The following ITGA11 variants were observed in gnomAD, a reference collection of about 807,000 sequenced individuals.
ITGA11 encodes integrin subunit alpha 11, also known as integrin alpha-11.
Under a neutral mutation model 141.9 loss-of-function variants are expected in ITGA11, and 97 were observed. The observed-to-expected ratio is 0.68, with a 90% CI of 0.58 to 0.81. The LOEUF (loss-of-function observed/expected upper bound fraction) is 0.81. Among genes scored for constraint, ITGA11 ranks in the 30% least tolerant of loss-of-function variants. The pLI is 0.00. For synonymous variants in ITGA11, 658 were observed against 624.6 expected (o/e 1.05, Z -0.80); for missense variants, 1,387 against 1,559.2 (o/e 0.89, Z 1.86).
intron 2 of ITGA11, among the ~76,000 whole-genome samples, chr15:68,383,311 C>G (rs1011936511): frequency 6.6e-6 from 1 of 151,788 alleles, no homozygotes; most frequent in Non-Finnish European, 1.5e-5. Context: ...CCAAGGAGCC[C>G]TTGATTCCTC....
intron 18 of ITGA11, among the ~76,000 whole-genome samples, chr15:68,323,635 T>A (rs535154078): frequency 3.9e-5 from 6 of 152,334 alleles, no homozygotes; most frequent in Admixed American, 3.3e-4. Flanking sequence ...TTTTCAGCTC[T>A]GTTTCTCACC....
intron 1 of ITGA11, among the ~76,000 whole-genome samples, chr15:68,414,789 C>T: frequency 6.6e-6 from 1 of 152,142 alleles, no homozygotes; most frequent in Non-Finnish European, 1.5e-5. Flanking sequence ...GCACTTGGGT[C>T]CAAACAAGTG....
intron 11 of ITGA11, among the ~76,000 whole-genome samples, chr15:68,336,877 G>A (rs911417420): frequency 3.9e-5 from 6 of 152,342 alleles, no homozygotes; most frequent in African/African-American, 1.4e-4. Flanking sequence ...AGGGTGTACA[G>A]ATGAGCTGAC....
At position 68,350,741 on chromosome 15, in the gene ITGA11, A is replaced by G. The variant is rs756173925; in HGVS notation, c.936T>C (p.Thr312=). The change falls in exon 9 of 30, where the codon ACT becomes ACC. Residue 312 remains threonine, a synonymous_variant. Coordinates refer to ENST00000315757, the MANE Select transcript of ITGA11 (RefSeq NM_001004439.2). ...CGATGTATTTGATTTCATTTAGAAA[A>G]GTTTCTGGATTGATCCCCCTGCGGT... ...YYNRRGINPE[T]FLNEIKYIAS... 1 of 1,613,868 alleles carries G rather than the reference A, an allele frequency of 6.2e-7. No homozygotes were observed. Among genetic ancestry groups the G allele is most frequent in the Non-Finnish European group, 8.5e-7 (1 of 1,179,846 alleles).
In ITGA11 at chr15:68,400,784, T is replaced by A. The variant is rs71409167; in HGVS notation, c.164+2134A>T. Among the ~76,000 whole-genome samples, 9 of 7,706 alleles carry A rather than the reference T, an allele frequency of 1.2e-3. 2 individuals carry two copies. Among genetic ancestry groups the A allele is most frequent in the African/African-American group, 2.8e-3 (4 of 1,426 alleles). 5.1% of individuals were successfully genotyped at this position (7,706 alleles called of 152,430 possible). On this transcript the variant is annotated intron_variant, in intron 2 of 29. Coordinates refer to ENST00000315757, the MANE Select transcript of ITGA11 (RefSeq NM_001004439.2). ...ATATTATATATTATATAATAAATAT[T>A]ATATTATATATTATATAATAAATAT...
At position 68,328,186 on chromosome 15, in the gene ITGA11, T is replaced by A; in HGVS notation, c.1978A>T (p.Lys660Ter). The A allele has an allele frequency of 6.2e-7, 1 of 1,613,800 alleles. No individual in the cohort carries two copies. The highest frequency in any genetic ancestry group is 2.2e-5 in the East Asian group (1 of 44,872). Residue 660 changes from lysine (K) to a stop codon, truncating the protein, a stop_gained, in exon 16 of 30, where the codon AAG becomes TAG. Coordinates refer to ENST00000315757, the MANE Select transcript of ITGA11 (RefSeq NM_001004439.2). LOFTEE classifies it high-confidence loss of function. This position sits in a 1 kb window ranked among gnomAD's most constrained non-coding sequence, Gnocchi z 4.8. ...SKINIFHRDC[K>*]RSGRDATCLA... ...CAGGTGGCATCCCTGCCACTGCGCT[T>A]GCAGTCTCTGTGGAAGATGTTGATC...
rs1393952074 is a variant in ITGA11, at chr15:68,398,138, A to G, written c.164+4780T>C. ...AGCTAACATCATAATGACAGGATCA[A>G]ATTCACACATAACAATATTAACTTT... On this transcript the variant is annotated intron_variant, in intron 2 of 29. Transcript: ENST00000315757. Among the ~76,000 whole-genome samples the G allele has an allele frequency of 2.0e-5, 3 of 152,000 alleles. No individual in the cohort carries two copies. In the East Asian group the frequency reaches 5.8e-4, roughly 29 times the overall value.
intron 4 of ITGA11, among the ~76,000 whole-genome samples, chr15:68,364,339 C>A (rs1156307414): frequency 1.3e-5 from 2 of 152,186 alleles, no homozygotes; most frequent in Non-Finnish European, 2.9e-5. Context: ...TGACCTCCAG[C>A]CCAGACAACT....
At chr15:68,364,644 T>TGCACC in intron 4 of ITGA11, 63 bp downstream of exon 4, 1 of 957,018 alleles carries the variant, frequency 1.0e-6, no homozygotes. Context: ...AAGGAGACGC[T>TGCACC]CCACCCCTCC....
chr15:68,345,789 C>A (rs1434431492), intron 10 of ITGA11, among the ~76,000 whole-genome samples: 1 of 152,160 alleles, frequency 6.6e-6, no homozygotes, highest in Non-Finnish European at 1.5e-5. Flanking sequence ...CCCAGAGAGG[C>A]CTAACTGACC....
chr15:68,419,658 A>T (rs560102064), intron 1 of ITGA11, among the ~76,000 whole-genome samples: 1 of 152,356 alleles, frequency 6.6e-6, no homozygotes, highest in South Asian at 2.1e-4. Flanking sequence ...GCATGGAAGC[A>T]TAGCCCCTAA....
rs1894696884 is a variant in ITGA11 at position 68,344,946 on chromosome 15, G to A, written c.1131+3884C>T. Among the ~76,000 whole-genome samples the A allele has an allele frequency of 2.0e-5, 3 of 152,056 alleles. No individual in the cohort carries two copies. The South Asian group carries it at 6.2e-4, about 32-fold the overall frequency. On this transcript the variant is annotated intron_variant, in intron 10 of 29. Transcript: ENST00000315757. ...AGGCGGATGCGAAATCCCTCCAGCT[G>A]AGCCCTCTGCACACCGTCACCCATG... is the stretch of plus-strand genomic sequence containing the variant.
At chr15:68,386,416 G>T (rs749699829) in intron 2 of ITGA11, among the ~76,000 whole-genome samples, 1 of 152,170 alleles carries the variant, frequency 6.6e-6, no homozygotes, top group African/African-American at 2.4e-5. Flanking sequence ...GCCACACAGT[G>T]CAGAGTTAAG....
In ITGA11 at chr15:68,303,949, A is replaced by G; in HGVS notation, c.3382-64T>C. On this transcript the variant is annotated intron_variant, in intron 28 of 29. Coordinates refer to ENST00000315757, the MANE Select transcript of ITGA11 (RefSeq NM_001004439.2). The surrounding 1 kb of genome is among the most constrained non-coding windows in gnomAD (Gnocchi z 5.3). ...TCTGGGGCTGGGGTGGCAGTCTGGG[A>G]GGGGCAGGAGGGTGGAGACAGCTGG... 1.0e-6 allele frequency: 1 copy of G among 956,052 alleles called. No individual in the cohort carries two copies. The allele number at this position is 956,052 out of a possible 1,614,324, so 59.2% of individuals were successfully genotyped here.
intron 2 of ITGA11, among the ~76,000 whole-genome samples, chr15:68,384,200 G>A (rs1895928451): frequency 6.7e-6 from 1 of 149,776 alleles, no homozygotes; most frequent in African/African-American, 2.5e-5. Context: ...GTGTGTGTCA[G>A]AAGTTTCCTG....
At chr15:68,389,912 G>A (rs180857582) in intron 2 of ITGA11, among the ~76,000 whole-genome samples, 2 of 152,284 alleles carry the variant, frequency 1.3e-5, no homozygotes, top group Non-Finnish European at 2.9e-5. Flanking sequence ...GGCTCAGAGA[G>A]GCCCTCTGCA....
rs553225840 is a variant in ITGA11 at position 68,353,274 on chromosome 15, G to A, written c.750-1872C>T. Among the ~76,000 whole-genome samples, 6 of 152,314 alleles carry A rather than the reference G, an allele frequency of 3.9e-5. No homozygotes were observed. In the East Asian group the frequency reaches 7.7e-4, roughly 20 times the overall value. On this transcript the variant is annotated intron_variant, in intron 7 of 29. Coordinates refer to ENST00000315757, the MANE Select transcript of ITGA11 (RefSeq NM_001004439.2). ...TCCACCATTCTCTTAGCAATTCTCC[G>A]ATATGCTGGATATGTTGCCTTAAAA...
chr15:68,328,325 T>C lies in ITGA11; in HGVS notation c.1902-63A>G, dbSNP rs982187436. ...GGCTCAGGCTGCCCTGCTGTGACCA[T>C]GGGGAAAGACAAGAACCAGATGCGA... is the stretch of plus-strand genomic sequence containing the variant. On this transcript the variant is annotated intron_variant, in intron 15 of 29. Coordinates refer to ENST00000315757, the MANE Select transcript of ITGA11 (RefSeq NM_001004439.2). This position sits in a 1 kb window ranked among gnomAD's most constrained non-coding sequence, Gnocchi z 4.8. 10 of 1,461,518 alleles carry C rather than the reference T, an allele frequency of 6.8e-6. No individual in the cohort carries two copies. Among genetic ancestry groups the C allele is most frequent in the African/African-American group, 6.0e-5 (4 of 66,900 alleles). The allele number at this position is 1,461,518 out of a possible 1,614,324, so 90.5% of individuals were successfully genotyped here.
chr15:68,353,408 C>T (rs11637286), intron 7 of ITGA11, among the ~76,000 whole-genome samples: 3,475 of 152,216 alleles, frequency 0.023, 54 homozygotes, highest in South Asian at 0.034. Flanking sequence ...GAGAACTCTG[C>T]TATTCTTTCC....
Sources: gnomAD v4.1 joint callset for allele counts (sites outside exome capture counted in the v4.1 genomes callset) on GRCh38, gnomAD v4.1.1 for gene constraint, Gnocchi (gnomAD v3.1) non-coding constraint, MANE v1.5 for transcripts, NCBI Gene and HGNC (gene_info 2026-07-23, HGNC 2026-07-21) for gene names.